FGF5: variants seen among roughly 807,000 people sequenced by gnomAD.
FGF5 encodes fibroblast growth factor 5.
In FGF5, 23 loss-of-function variants were observed where a neutral mutation model predicts 21.8. The observed-to-expected ratio is 1.05, with a 90% confidence interval of 0.76 to 1.49. FGF5 has a LOEUF of 1.49. FGF5 is among the 40% of genes most tolerant of loss of function. The pLI is 0.00. For synonymous variants in FGF5, 158 were observed against 124.0 expected, an observed-to-expected ratio of 1.27 and a Z score of -1.82; for missense variants, 352 against 332.9, an observed-to-expected ratio of 1.06 and a Z score of -0.45.
rs1489775445 is a variant in FGF5 at position 80,287,728 on chromosome 4, A to G, written c.*1056A>G. ...GAGCAAACACTTAGAAATGATAGAGAACTGAAGGAGATCAATGGTTTAACA... is the reference window on the plus strand; with the variant it reads ...GAGCAAACACTTAGAAATGATAGAGGACTGAAGGAGATCAATGGTTTAACA... On this transcript the variant is annotated 3_prime_UTR_variant, in exon 3 of 3. Coordinates refer to ENST00000312465, the MANE Select transcript of FGF5 (RefSeq NM_004464.4). The G allele has an allele frequency of 6.6e-6, 1 of 152,160 alleles. No homozygotes were observed. The highest frequency in any genetic ancestry group is 1.5e-5 in the Non-Finnish European group (1 of 68,026). The allele number at this position is 152,160 out of a possible 1,614,324, so 9.4% of individuals were successfully genotyped here. A position where few individuals can be genotyped will look rare whatever the true frequency, so the allele number is the denominator to read the frequency against.
At chr4:80,279,989 G>T (rs1384481086) in intron 2 of FGF5, among the ~76,000 whole-genome samples, 1 of 152,166 alleles carries the variant, frequency 6.6e-6, no homozygotes, top group Non-Finnish European at 1.5e-5. Flanking sequence ...ACTCCAGAAT[G>T]GACTTCCTGC....
chr4:80,267,321 C>T (rs1720125208), intron 1 of FGF5, 142 bp downstream of exon 1: 11 of 679,066 alleles, frequency 1.6e-5, no homozygotes, highest in Non-Finnish European at 2.4e-5. Flanking sequence ...AACAGCCGGG[C>T]GGGTTGGGTG....
intron 1 of FGF5, among the ~76,000 whole-genome samples, chr4:80,271,104 C>G (rs3796604): frequency 0.57 from 86,210 of 152,004 alleles, 27,405 homozygotes; most frequent in African/African-American, 0.86. Context: ...TTTTCAGATG[C>G]GTTGTTGAAA....
chr4:80,269,730 T>C (rs1164234348), intron 1 of FGF5, among the ~76,000 whole-genome samples: 1 of 152,170 alleles, frequency 6.6e-6, no homozygotes, highest in East Asian at 1.9e-4. Context: ...CAATATAAGA[T>C]ACCTATCTCA....
chr4:80,278,328 G>A (rs958892159), intron 2 of FGF5, among the ~76,000 whole-genome samples: 12 of 151,970 alleles, frequency 7.9e-5, no homozygotes, highest in African/African-American at 2.9e-4. Context: ...CCCCATTCTA[G>A]GTACCTCTTT....
In FGF5 at chr4:80,266,743, C is replaced by T; in HGVS notation, c.-82C>T. ...ACCCGGTGCGGCGAGGCGGGCAGAGCCAGAGGCACGCAGCCGCACAGGGGC... is the reference window on the plus strand; with the variant it reads ...ACCCGGTGCGGCGAGGCGGGCAGAGTCAGAGGCACGCAGCCGCACAGGGGC... On this transcript the variant is annotated 5_prime_UTR_variant, in exon 1 of 3. Coordinates refer to ENST00000312465, the MANE Select transcript of FGF5 (RefSeq NM_004464.4). 1 of 1,244,364 alleles carries T rather than the reference C, an allele frequency of 8.0e-7. No homozygotes were observed. Among genetic ancestry groups the T allele is most frequent in the South Asian group, 1.4e-5 (1 of 69,320 alleles). 77.1% of individuals were successfully genotyped at this position (1,244,364 alleles called of 1,614,324 possible). A position where few individuals can be genotyped will look rare whatever the true frequency, so the allele number is the denominator to read the frequency against.
In FGF5 at chr4:80,267,155, G is replaced by A. The variant is rs752426478; in HGVS notation, c.331G>A (p.Gly111Arg). 2 of 1,611,214 alleles carry A rather than the reference G, an allele frequency of 1.2e-6. No homozygotes were observed. The highest frequency in any genetic ancestry group is 3.4e-5 in the Admixed American group (2 of 59,684). The change falls in exon 1 of 3, where the codon GGA becomes AGA. Residue 111 changes from glycine to arginine, a missense_variant. By Grantham distance (125) the Gly-to-Arg change is moderately radical (BLOSUM62 -2). Transcript: ENST00000312465. Reference protein sequence around the residue: ...LQIYPDGKVNGSHEANMLSVL... With the variant: ...LQIYPDGKVNRSHEANMLSVL... ...GATCTACCCGGATGGCAAAGTCAAT[G>A]GATCCCACGAAGCCAATATGTTAAG...
intron 2 of FGF5, among the ~76,000 whole-genome samples, chr4:80,275,445 A>C (rs905415050): frequency 3.9e-5 from 6 of 151,972 alleles, no homozygotes; most frequent in Non-Finnish European, 8.8e-5. Flanking sequence ...AGTAATGTAA[A>C]ATATTTTCAT....
In FGF5 at chr4:80,287,312, A is replaced by T. The variant is rs1381090719; in HGVS notation, c.*640A>T. Reference sequence around the variant, plus strand: ...GATAATATGTTTAGTTTTACATTTTAAAATGTTTAAATTCTCTTTCACAGC... The same window carrying T: ...GATAATATGTTTAGTTTTACATTTTTAAATGTTTAAATTCTCTTTCACAGC... On this transcript the variant is annotated 3_prime_UTR_variant, in exon 3 of 3. Transcript: ENST00000312465. 1 of 152,136 alleles carries T rather than the reference A, an allele frequency of 6.6e-6. No individual in the cohort carries two copies. Among genetic ancestry groups the T allele is most frequent in the Non-Finnish European group, 1.5e-5 (1 of 68,026 alleles). The allele number at this position is 152,136 out of a possible 1,614,324, so 9.4% of individuals were successfully genotyped here.
chr4:80,270,893 A>C (rs1477683902), intron 1 of FGF5, among the ~76,000 whole-genome samples: 1 of 152,250 alleles, frequency 6.6e-6, no homozygotes, highest in African/African-American at 2.4e-5. Context: ...GTCATTAGAC[A>C]GTCCCCCAAG....
chr4:80,276,065 T>C (rs1720402990), intron 2 of FGF5, among the ~76,000 whole-genome samples: 1 of 152,004 alleles, frequency 6.6e-6, no homozygotes, highest in South Asian at 2.1e-4. Context: ...CTTTTATAAT[T>C]TTACTTTTCT....
In FGF5 at chr4:80,266,722, G is replaced by T. The variant is rs1720097743; in HGVS notation, c.-103G>T. The T allele has an allele frequency of 3.0e-6, 3 of 993,274 alleles. No individual in the cohort carries two copies. The highest frequency in any genetic ancestry group is 3.0e-6 in the Non-Finnish European group (2 of 673,798). The allele number at this position is 993,274 out of a possible 1,614,324, so 61.5% of individuals were successfully genotyped here. On this transcript the variant is annotated 5_prime_UTR_variant, in exon 1 of 3. Coordinates refer to ENST00000312465, the MANE Select transcript of FGF5 (RefSeq NM_004464.4). ...CTCTTCCCCGAGGCTATGTCCACCC[G>T]GTGCGGCGAGGCGGGCAGAGCCAGA... is the stretch of plus-strand genomic sequence containing the variant.
chr4:80,267,034 A>T lies in FGF5; in HGVS notation c.210A>T (p.Gln70His). The part of the protein sequence containing the change: ...SSSPAASLGS[Q>H]GSGLEQSSFQ... Reference sequence around the variant, plus strand: ...CCCCCGCAGCTTCTCTGGGCAGCCAAGGAAGTGGCTTGGAGCAGAGCAGTT... The same window carrying T: ...CCCCCGCAGCTTCTCTGGGCAGCCATGGAAGTGGCTTGGAGCAGAGCAGTT... Residue 70 changes from glutamine (Q) to histidine (H), a missense_variant, in exon 1 of 3, where the codon CAA becomes CAT. Gln to His is a conservative substitution (Grantham distance 24, BLOSUM62 0). Transcript: ENST00000312465. 6.2e-7 allele frequency: 1 copy of T among 1,614,232 alleles called. No individual in the cohort carries two copies. Among genetic ancestry groups the T allele is most frequent in the Non-Finnish European group, 8.5e-7 (1 of 1,180,026 alleles).
intron 1 of FGF5, among the ~76,000 whole-genome samples, chr4:80,273,478 T>C (rs1236090423): frequency 6.6e-6 from 1 of 152,190 alleles, no homozygotes; most frequent in Non-Finnish European, 1.5e-5. Context: ...GTTACTCACA[T>C]ATATTTATAA....
chr4:80,280,303 C>G (rs542067761), intron 2 of FGF5, among the ~76,000 whole-genome samples: 2 of 152,160 alleles, frequency 1.3e-5, no homozygotes, highest in Non-Finnish European at 2.9e-5. Context: ...CTGTGGAGGT[C>G]TAGTTAAAAG....
chr4:80,276,031 C>A (rs926827237), intron 2 of FGF5, among the ~76,000 whole-genome samples: 1 of 151,872 alleles, frequency 6.6e-6, no homozygotes, highest in African/African-American at 2.4e-5. Context: ...TCAATGAGAA[C>A]GCCACTTGGT....
rs936471030 is a variant in FGF5, at chr4:80,289,989, A to T, written c.*3317A>T. On this transcript the variant is annotated 3_prime_UTR_variant, in exon 3 of 3. Transcript: ENST00000312465. ...AAATCAATCTTGAAATAGAAAATGTAATAACTTTCTTACCATTAACATTTT... is the reference window on the plus strand; with the variant it reads ...AAATCAATCTTGAAATAGAAAATGTTATAACTTTCTTACCATTAACATTTT... 6.6e-6 allele frequency: 1 copy of T among 152,288 alleles called. No homozygotes were observed. The highest frequency in any genetic ancestry group is 2.4e-5 in the African/African-American group (1 of 41,578). The allele number at this position is 152,288 out of a possible 1,614,324, so 9.4% of individuals were successfully genotyped here. A position where few individuals can be genotyped will look rare whatever the true frequency, so the allele number is the denominator to read the frequency against.
intron 2 of FGF5, among the ~76,000 whole-genome samples, chr4:80,285,416 C>G (rs140166572): frequency 6.6e-6 from 1 of 152,178 alleles, no homozygotes; most frequent in African/African-American, 2.4e-5. Flanking sequence ...CTCTCTAATG[C>G]TAGTTAGAGA....
chr4:80,278,430 G>A (rs984022710), intron 2 of FGF5, among the ~76,000 whole-genome samples: 1 of 152,032 alleles, frequency 6.6e-6, no homozygotes, highest in Non-Finnish European at 1.5e-5. Flanking sequence ...TAGAGAAGAG[G>A]GGATGTGTCT....
Sources: gnomAD v4.1 joint callset for allele counts (sites outside exome capture counted in the v4.1 genomes callset) on GRCh38, gnomAD v4.1.1 for gene constraint, MANE v1.5 for transcripts, NCBI Gene and HGNC (gene_info 2026-07-23, HGNC 2026-07-21) for gene names.